NCAM2: variants seen among roughly 807,000 people sequenced by gnomAD.
NCAM2 encodes the protein neural cell adhesion molecule 2.
A neutral mutation model predicts 98.1 loss-of-function variants in NCAM2; 30 were observed. The observed-to-expected ratio is 0.31, with a 90% CI of 0.23 to 0.41. The LOEUF (loss-of-function observed/expected upper bound fraction) is 0.41, where lower values mean the gene tolerates loss of function less well. Among genes scored for constraint, NCAM2 ranks in the 10% least tolerant of loss-of-function variants. The pLI, the probability that NCAM2 is intolerant of heterozygous loss-of-function variation, is 1.00. For missense variants in NCAM2, 867 were observed against 1,005.8 expected, an observed-to-expected ratio of 0.86 and a Z score of 1.87; for synonymous variants, 368 against 342.4, an observed-to-expected ratio of 1.07 and a Z score of -0.83.
chr21:21,516,892 CTG>C (rs1555910812), intron 16 of NCAM2, among the ~76,000 whole-genome samples: 1 of 152,160 alleles, frequency 6.6e-6, no homozygotes, highest in Non-Finnish European at 1.5e-5. Flanking sequence ...TCTTTTTTCT[CTG>C]TGTTTCCTCC....
chr21:21,081,636 A>G lies in NCAM2; in HGVS notation c.55+83018A>G, dbSNP rs138521941. On this transcript the variant is annotated intron_variant, in intron 1 of 17. Transcript: ENST00000400546. ...GCCAACATGGTGAAACCCCATCTCT[A>G]CCAAAACTACAAAACGTAGCCAGGC... 4.1e-3 allele frequency among the ~76,000 whole-genome samples: 310 copies of G among 76,468 alleles called. 2 individuals are homozygous for G. The highest frequency in any genetic ancestry group is 9.1e-3 in the African/African-American group (292 of 32,246). 50.2% of individuals were successfully genotyped at this position (76,468 alleles called of 152,430 possible). A position where few individuals can be genotyped will look rare whatever the true frequency, so the allele number is the denominator to read the frequency against.
intron 5 of NCAM2, among the ~76,000 whole-genome samples, chr21:21,309,849 C>CG (rs1338431828): frequency 6.6e-6 from 1 of 152,038 alleles, no homozygotes; most frequent in East Asian, 1.9e-4. Flanking sequence ...CATTTCCCCC[C>CG]ATATTTTAGG....
chr21:21,161,638 A>T (rs1253121317), intron 1 of NCAM2, among the ~76,000 whole-genome samples: 4 of 151,706 alleles, frequency 2.6e-5, no homozygotes, highest in Non-Finnish European at 5.9e-5. Flanking sequence ...ATATGTGTGT[A>T]TTTAAAAATA....
chr21:21,125,213 T>C (rs1360739947), intron 1 of NCAM2, among the ~76,000 whole-genome samples: 1 of 151,604 alleles, frequency 6.6e-6, no homozygotes, highest in African/African-American at 2.4e-5. Flanking sequence ...GTGTGAGAAC[T>C]ATCATGAAAT....
At chr21:21,512,979 T>C (rs1474056728) in intron 16 of NCAM2, among the ~76,000 whole-genome samples, 1 of 152,136 alleles carries the variant, frequency 6.6e-6, no homozygotes, top group African/African-American at 2.4e-5. Flanking sequence ...CTAATAGTTT[T>C]TTTGGTGGAG....
intron 1 of NCAM2, among the ~76,000 whole-genome samples, chr21:21,153,696 A>T (rs2067518836): frequency 6.6e-6 from 1 of 151,922 alleles, no homozygotes; most frequent in Non-Finnish European, 1.5e-5. Flanking sequence ...TTTTGAAAAC[A>T]TATAAGTGAA....
At chr21:21,535,432 A>G (rs1228336520) in intron 17 of NCAM2, among the ~76,000 whole-genome samples, 1 of 152,092 alleles carries the variant, frequency 6.6e-6, no homozygotes, top group Non-Finnish European at 1.5e-5. Context: ...TATTTTTGTA[A>G]CACCTAATAT....
At chr21:21,236,506 A>C (rs1001740613) in intron 1 of NCAM2, among the ~76,000 whole-genome samples, 4 of 152,250 alleles carry the variant, frequency 2.6e-5, no homozygotes, top group African/African-American at 9.6e-5. Context: ...AGTGGTCTGC[A>C]AAATTGTATT....
intron 1 of NCAM2, among the ~76,000 whole-genome samples, chr21:21,000,365 A>G (rs1310267970): frequency 6.6e-6 from 1 of 152,204 alleles, no homozygotes; most frequent in African/African-American, 2.4e-5. Flanking sequence ...TGGTTTGGAG[A>G]AGAAAAATGT....
chr21:21,270,329 A>G (rs1012423016), intron 1 of NCAM2, among the ~76,000 whole-genome samples: 2 of 152,170 alleles, frequency 1.3e-5, no homozygotes, highest in Non-Finnish European at 2.9e-5. Flanking sequence ...GGGCCTAACT[A>G]CCACATAAGC....
intron 9 of NCAM2, among the ~76,000 whole-genome samples, chr21:21,406,525 G>C (rs1341475162): frequency 1.3e-5 from 2 of 152,172 alleles, no homozygotes; most frequent in Non-Finnish European, 2.9e-5. Context: ...AGAAGAACCT[G>C]ACTAAAGTTT....
intron 1 of NCAM2, among the ~76,000 whole-genome samples, chr21:21,228,846 A>C (rs2070500035): frequency 6.6e-6 from 1 of 151,544 alleles, no homozygotes; most frequent in Non-Finnish European, 1.5e-5. Context: ...CAGACAAAGT[A>C]TGGCAAAACA....
At chr21:21,098,134 A>G (rs1281626377) in intron 1 of NCAM2, among the ~76,000 whole-genome samples, 1 of 150,928 alleles carries the variant, frequency 6.6e-6, no homozygotes, top group Non-Finnish European at 1.5e-5. Flanking sequence ...AATTGAAGGT[A>G]CACATATTAT....
chr21:21,372,047 C>CT (rs1057494535), intron 8 of NCAM2, among the ~76,000 whole-genome samples: 1 of 151,708 alleles, frequency 6.6e-6, no homozygotes, highest in Non-Finnish European at 1.5e-5. Flanking sequence ...GCTGTGAACT[C>CT]TAATTGGATT....
At chr21:21,140,189 T>A (rs2067138006) in intron 1 of NCAM2, among the ~76,000 whole-genome samples, 1 of 152,218 alleles carries the variant, frequency 6.6e-6, no homozygotes. Context: ...TTTGTATTAA[T>A]TGTATACACC....
At chr21:20,999,278 A>G (rs1436454654) in intron 1 of NCAM2, among the ~76,000 whole-genome samples, 1 of 152,086 alleles carries the variant, frequency 6.6e-6, no homozygotes, top group Non-Finnish European at 1.5e-5. Flanking sequence ...GAATCATTTT[A>G]TAACATTACA....
chr21:21,123,378 C>G (rs143818369), intron 1 of NCAM2, among the ~76,000 whole-genome samples: 13 of 143,668 alleles, frequency 9.0e-5, no homozygotes, highest in African/African-American at 3.4e-4. Context: ...GCCTGGGAGA[C>G]AGAGCGAAGA....
chr21:21,388,843 C>T (rs1347603873), intron 9 of NCAM2, among the ~76,000 whole-genome samples: 1 of 152,024 alleles, frequency 6.6e-6, no homozygotes, highest in Non-Finnish European at 1.5e-5. Context: ...GTGTAAAGTA[C>T]ACAACAGGTT....
chr21:21,068,981 G>A (rs532846283), intron 1 of NCAM2, among the ~76,000 whole-genome samples: 2 of 152,236 alleles, frequency 1.3e-5, no homozygotes, highest in African/African-American at 2.4e-5. Flanking sequence ...ACTCTGCTAA[G>A]TTGATACTTT....
Sources: allele counts gnomAD v4.1 joint callset (sites outside exome capture counted in the v4.1 genomes callset), GRCh38; gene constraint gnomAD v4.1.1; transcripts MANE v1.5; gene names NCBI Gene and HGNC (gene_info 2026-07-23, HGNC 2026-07-21).